Variants in CADM1 observed in about 807,000 individuals in gnomAD.
The protein encoded by CADM1 is TSLC-1.
CADM1 carries 15 observed loss-of-function variants against 53.1 expected under a neutral mutation model. The observed-to-expected ratio is 0.28, with a 90% CI of 0.19 to 0.44. The LOEUF (loss-of-function observed/expected upper bound fraction) is 0.44, where lower values mean the gene tolerates loss of function less well. Ranked by LOEUF, CADM1 falls within the 20% of genes least tolerant of loss-of-function variation. The probability of loss-of-function intolerance (pLI) is 1.00; values close to 1 mark genes in which losing one functional copy is unlikely to be tolerated. For synonymous variants in CADM1, 281 were observed against 243.0 expected, an observed-to-expected ratio of 1.16 and a Z score of -1.45; for missense variants, 434 against 611.3, an observed-to-expected ratio of 0.71 and a Z score of 3.06.
At chr11:115,350,273 C>G (rs1011864046) in intron 1 of CADM1, among the ~76,000 whole-genome samples, 6 of 152,222 alleles carry the variant, frequency 3.9e-5, no homozygotes, top group Non-Finnish European at 5.9e-5. Context: ...GCCTGACCAG[C>G]CTTACCATCT....
intron 1 of CADM1, among the ~76,000 whole-genome samples, chr11:115,334,561 T>A (rs1945215984): frequency 1.3e-5 from 2 of 152,206 alleles, no homozygotes; most frequent in South Asian, 4.1e-4. Flanking sequence ...TTGTTGTTAA[T>A]CTCTTATTGT....
At chr11:115,229,327 GT>G in intron 4 of CADM1, 56 bp from the exon 5 acceptor site, 1 of 1,539,798 alleles carries the variant, frequency 6.5e-7, no homozygotes, top group Non-Finnish European at 9.0e-7. Context: ...CCATCAGTTT[GT>G]TTTTATGTCC....
intron 1 of CADM1, among the ~76,000 whole-genome samples, chr11:115,315,191 GA>G (rs1162574130): frequency 6.6e-6 from 1 of 151,580 alleles, no homozygotes; most frequent in African/African-American, 2.4e-5. Flanking sequence ...GGGAGGAAGA[GA>G]AAAAAAAGGA....
At chr11:115,261,249 A>C (rs1214555168) in intron 1 of CADM1, among the ~76,000 whole-genome samples, 1 of 152,236 alleles carries the variant, frequency 6.6e-6, no homozygotes, top group Non-Finnish European at 1.5e-5. Context: ...TTATTTAGCT[A>C]CACAGGGAGA....
chr11:115,249,440 T>G (rs79963869), intron 1 of CADM1, among the ~76,000 whole-genome samples: 6 of 152,252 alleles, frequency 3.9e-5, no homozygotes, highest in Non-Finnish European at 7.3e-5. Flanking sequence ...TCCGGTGTTG[T>G]TGGTCACAGG....
At chr11:115,225,012 C>A (rs1394169482) in intron 5 of CADM1, among the ~76,000 whole-genome samples, 2 of 152,190 alleles carry the variant, frequency 1.3e-5, no homozygotes, top group Non-Finnish European at 2.9e-5. Flanking sequence ...CTCTGCATAA[C>A]ATCTAAGGAA....
intron 1 of CADM1, among the ~76,000 whole-genome samples, chr11:115,387,630 T>A (rs1201504456): frequency 2.0e-5 from 3 of 151,982 alleles, no homozygotes; most frequent in Non-Finnish European, 4.4e-5. Context: ...AAGGACTGAG[T>A]AAATGAACAA....
At chr11:115,353,550 C>G (rs1945790055) in intron 1 of CADM1, among the ~76,000 whole-genome samples, 1 of 152,186 alleles carries the variant, frequency 6.6e-6, no homozygotes, top group African/African-American at 2.4e-5. Context: ...TTGAAATCAA[C>G]TCTTAGCAAG....
chr11:115,277,737 G>T (rs1179881049), intron 1 of CADM1, among the ~76,000 whole-genome samples: 1 of 152,128 alleles, frequency 6.6e-6, no homozygotes, highest in African/African-American at 2.4e-5. Flanking sequence ...TAGGCATTTA[G>T]TATAGACTAA....
intron 9 of CADM1, among the ~76,000 whole-genome samples, chr11:115,197,260 A>G (rs1940202905): frequency 6.6e-6 from 1 of 152,210 alleles, no homozygotes; most frequent in African/African-American, 2.4e-5. Flanking sequence ...GTAGGTCTCT[A>G]AGTGAGTCAG....
chr11:115,372,553 G>T (rs956779490), intron 1 of CADM1, among the ~76,000 whole-genome samples: 1 of 152,076 alleles, frequency 6.6e-6, no homozygotes, highest in African/African-American at 2.4e-5. Flanking sequence ...ATAAAAATGT[G>T]AAAGTTTGCA....
At chr11:115,487,936 G>C (rs1369418372) in intron 1 of CADM1, among the ~76,000 whole-genome samples, 2 of 151,726 alleles carry the variant, frequency 1.3e-5, no homozygotes, top group African/African-American at 4.8e-5. Context: ...TTATTTACTT[G>C]ACAGTAGGTC....
intron 1 of CADM1, among the ~76,000 whole-genome samples, chr11:115,380,434 G>A (rs1591762986): frequency 2.0e-5 from 3 of 152,260 alleles, no homozygotes; most frequent in African/African-American, 4.8e-5. Flanking sequence ...CTCTGGGTAC[G>A]CTATCCAGCT....
intron 1 of CADM1, among the ~76,000 whole-genome samples, chr11:115,289,978 G>A (rs1358895437): frequency 6.6e-6 from 1 of 152,136 alleles, no homozygotes; most frequent in African/African-American, 2.4e-5. Context: ...ACACAGTGTG[G>A]GTCTAGAGCC....
At chr11:115,218,172 C>T (rs1369886631) in intron 5 of CADM1, 181 bp from the exon 6 acceptor site, 1 of 623,048 alleles carries the variant, frequency 1.6e-6, no homozygotes, top group Non-Finnish European at 3.0e-6. Context: ...TGACTAATAA[C>T]TCTAAGGAGT....
At position 115,171,413 on chromosome 11, in the gene CADM1, G is replaced by A. The variant is rs899985046; in HGVS notation, c.*5061C>T. 6 of 152,216 alleles carry A rather than the reference G, an allele frequency of 3.9e-5. No individual in the cohort carries two copies. Among genetic ancestry groups the A allele is most frequent in the Non-Finnish European group, 7.3e-5 (5 of 68,046 alleles). The allele number at this position is 152,216 out of a possible 1,614,324, so 9.4% of individuals were successfully genotyped here. The stretch of plus-strand genomic sequence containing the variant: ...AAAAGAATTACATTTCAGGTAGACA[G>A]AGGACAGTGAAAGATTGCACCAATT... On this transcript the variant is annotated 3_prime_UTR_variant, in exon 12 of 12. Coordinates refer to ENST00000331581, the MANE Select transcript of CADM1 (RefSeq NM_001301043.2).
intron 1 of CADM1, among the ~76,000 whole-genome samples, chr11:115,288,005 G>A (rs1420279431): frequency 6.6e-6 from 1 of 152,188 alleles, no homozygotes; most frequent in African/African-American, 2.4e-5. Flanking sequence ...TGGGGAGGCT[G>A]ATATTTCATA....
intron 1 of CADM1, among the ~76,000 whole-genome samples, chr11:115,465,421 A>T (rs528421070): frequency 6.6e-6 from 1 of 152,170 alleles, no homozygotes; most frequent in South Asian, 2.1e-4. Context: ...ATCAGTAGAA[A>T]TAAGATGTCT....
chr11:115,464,641 T>G (rs1948860444), intron 1 of CADM1, among the ~76,000 whole-genome samples: 1 of 152,200 alleles, frequency 6.6e-6, no homozygotes, highest in African/African-American at 2.4e-5. Flanking sequence ...GTCATTCAAG[T>G]GGAACTTTTT....
Sources: allele counts gnomAD v4.1 joint callset (sites outside exome capture counted in the v4.1 genomes callset), GRCh38; gene constraint gnomAD v4.1.1; transcripts MANE v1.5; gene names NCBI Gene and HGNC (gene_info 2026-07-23, HGNC 2026-07-21).